The following SEMA6A variants were observed in gnomAD, a reference collection of about 807,000 sequenced individuals.
SEMA6A encodes semaphorin-6A.
SEMA6A carries 25 observed loss-of-function variants against 96.8 expected under a neutral mutation model. The ratio of observed to expected loss-of-function variants is 0.26; its 90% CI spans 0.19 to 0.36. SEMA6A has a LOEUF of 0.36. Among genes scored for constraint, SEMA6A ranks in the 10% least tolerant of loss-of-function variants. The probability of loss-of-function intolerance (pLI) is 1.00; values close to 1 mark genes in which losing one functional copy is unlikely to be tolerated. For synonymous variants in SEMA6A, 612 were observed against 518.0 expected, an observed-to-expected ratio of 1.18 and a Z score of -2.46; for missense variants, 1,363 against 1,323.1, an observed-to-expected ratio of 1.03 and a Z score of -0.47.
intron 1 of SEMA6A, among the ~76,000 whole-genome samples, chr5:116,541,136 G>A (rs1489079968): frequency 6.6e-6 from 1 of 152,172 alleles, no homozygotes; most frequent in African/African-American, 2.4e-5. Flanking sequence ...CAGCGGTGAT[G>A]GGTGTTGGGG....
intron 1 of SEMA6A, among the ~76,000 whole-genome samples, chr5:116,526,706 A>G (rs200896060): frequency 1.3e-5 from 2 of 152,344 alleles, no homozygotes; most frequent in East Asian, 3.9e-4. Flanking sequence ...GTTACTATAG[A>G]TTGCACTAGG....
At chr5:116,516,146 T>C (rs1248768903) in intron 1 of SEMA6A, among the ~76,000 whole-genome samples, 10 of 152,136 alleles carry the variant, frequency 6.6e-5, no homozygotes, top group Admixed American at 5.2e-4. Flanking sequence ...AAGCCAAAAA[T>C]AGAGTTTCTA....
chr5:116,472,924 G>C (rs771916991), intron 17 of SEMA6A, 149 bp downstream of exon 17: 1 of 1,523,170 alleles, frequency 6.6e-7, no homozygotes, highest in South Asian at 1.2e-5. Context: ...TCTGGTAGAG[G>C]AGTTGAAATG....
At chr5:116,475,698 T>G in intron 15 of SEMA6A, 95 bp from the exon 16 acceptor site, 2 of 819,562 alleles carry the variant, frequency 2.4e-6, no homozygotes, top group East Asian at 2.8e-5. Context: ...GTAACACAGT[T>G]TGATAAATTG....
rs111522197 is a variant in SEMA6A at position 116,525,954 on chromosome 5, A to T, written c.-38-20972T>A. On this transcript the variant is annotated intron_variant, in intron 1 of 18. Coordinates refer to ENST00000343348, the MANE Select transcript of SEMA6A (RefSeq NM_020796.5). Reference sequence around the variant, plus strand: ...CTGGCTGGAGGAAGCAGCATTTAAAAACCTCTCTGGAATCTTTTCACCTAG... The same window carrying T: ...CTGGCTGGAGGAAGCAGCATTTAAATACCTCTCTGGAATCTTTTCACCTAG... Among the ~76,000 whole-genome samples the T allele has an allele frequency of 7.5e-3, 1,149 of 152,226 alleles. 8 individuals are homozygous for T. The highest frequency in any genetic ancestry group is 0.012 in the Non-Finnish European group (794 of 68,004).
At chr5:116,457,832 A>G (rs1275454583) in intron 18 of SEMA6A, among the ~76,000 whole-genome samples, 1 of 152,140 alleles carries the variant, frequency 6.6e-6, no homozygotes, top group Non-Finnish European at 1.5e-5. Flanking sequence ...ACTTTGCAAG[A>G]GTTTATCTAT....
chr5:116,472,106 A>G (rs936481370), intron 17 of SEMA6A, among the ~76,000 whole-genome samples: 2 of 152,150 alleles, frequency 1.3e-5, no homozygotes, highest in African/African-American at 4.8e-5. Context: ...TTTTCATATC[A>G]TACTTTAAAA....
intron 9 of SEMA6A, 129 bp downstream of exon 9, chr5:116,487,979 G>A: frequency 1.8e-6 from 1 of 545,098 alleles, no homozygotes; most frequent in East Asian, 3.1e-5. Flanking sequence ...CAGCAGATAG[G>A]GCCTCCAGAC....
chr5:116,547,565 C>T (rs921439521), intron 1 of SEMA6A, among the ~76,000 whole-genome samples: 3 of 142,924 alleles, frequency 2.1e-5, no homozygotes, highest in South Asian at 2.2e-4. Context: ...CTCTAAGTAA[C>T]GTACTGGTTA....
intron 10 of SEMA6A, among the ~76,000 whole-genome samples, chr5:116,485,496 A>G (rs1359664512): frequency 6.6e-6 from 1 of 152,190 alleles, no homozygotes; most frequent in African/African-American, 2.4e-5. Context: ...CTTATATCTA[A>G]CTGAATACTT....
chr5:116,480,811 T>C (rs969864998), intron 11 of SEMA6A, among the ~76,000 whole-genome samples: 1 of 152,186 alleles, frequency 6.6e-6, no homozygotes, highest in East Asian at 1.9e-4. Context: ...CTTATTGTTG[T>C]TTTTATTTTT....
chr5:116,545,721 T>G (rs1760160090), intron 1 of SEMA6A, among the ~76,000 whole-genome samples: 1 of 152,212 alleles, frequency 6.6e-6, no homozygotes, highest in Non-Finnish European at 1.5e-5. Context: ...AACAAGCATT[T>G]GACATTTCTA....
In SEMA6A at chr5:116,447,556, G is replaced by A. The variant is rs1261957229; in HGVS notation, c.2150C>T (p.Pro717Leu). Reference protein sequence around the residue: ...GLFGDTQSKDPKPEAILTPLM... With the variant: ...GLFGDTQSKDLKPEAILTPLM... ...TGGCGTGAGGATGGCCTCCGGCTTT[G>A]GGTCTTTGGATTGAGTGTCCCCAAA... is the stretch of plus-strand genomic sequence containing the variant. The change falls in exon 19 of 19, where the codon CCA (proline) becomes CTA (leucine). Residue 717 changes from proline to leucine, a missense_variant. This residue lies in a region of SEMA6A where 883 missense variants were observed against 763.6 expected (regional missense o/e 1.16). Transcript: ENST00000343348. 3 of 1,613,956 alleles carry A rather than the reference G, an allele frequency of 1.9e-6. No individual in the cohort carries two copies. Among genetic ancestry groups the A allele is most frequent in the Non-Finnish European group, 2.5e-6 (3 of 1,179,906 alleles).
At chr5:116,479,915 G>A (rs771568997) in intron 12 of SEMA6A, among the ~76,000 whole-genome samples, 1 of 152,176 alleles carries the variant, frequency 6.6e-6, no homozygotes, top group Non-Finnish European at 1.5e-5. Context: ...TGTCCAACTA[G>A]CCTGAAAATA....
chr5:116,516,481 A>G lies in SEMA6A; in HGVS notation c.-38-11499T>C, dbSNP rs1415328641. Among the ~76,000 whole-genome samples the G allele has an allele frequency of 2.0e-5, 3 of 152,118 alleles. No homozygotes were observed. The East Asian group carries it at 5.8e-4, about 29-fold the overall frequency. ...TTTAACCTATTATTAAATTTGATAG[A>G]TATTTCAGGTTTTTTTTTCTGAAAA... is the stretch of plus-strand genomic sequence containing the variant. On this transcript the variant is annotated intron_variant, in intron 1 of 18. Coordinates refer to ENST00000343348, the MANE Select transcript of SEMA6A (RefSeq NM_020796.5).
chr5:116,482,599 A>C, intron 10 of SEMA6A, 24 bp from the exon 11 acceptor site: 1 of 1,612,318 alleles, frequency 6.2e-7, no homozygotes, highest in South Asian at 1.1e-5. Context: ...TTTCACATCA[A>C]GTGTTACTCA....
chr5:116,565,263 T>C (rs1156638282), intron 1 of SEMA6A, among the ~76,000 whole-genome samples: 1 of 152,162 alleles, frequency 6.6e-6, no homozygotes. Flanking sequence ...CAACACTGAA[T>C]TATACGAGAA....
rs760225409 is a variant in SEMA6A, at chr5:116,447,748, A to G, written c.1958T>C (p.Ile653Thr). 6.2e-6 allele frequency: 10 copies of G among 1,613,738 alleles called. No individual in the cohort carries two copies. Among genetic ancestry groups the G allele is most frequent in the Admixed American group, 5.0e-5 (3 of 60,004 alleles). ...DQLVPVTLLA[I>T]AVILAFVMGA... ...CATGACGAAAGCCAGGATGACTGCA[A>G]TGGCCAAGAGGGTGACGGGAACCAG... The change falls in exon 19 of 19, where the codon ATT becomes ACT. Residue 653 changes from isoleucine to threonine, a missense_variant. Physicochemically the swap from Ile to Thr is moderately conservative, Grantham distance 89 (BLOSUM62 -1). This residue lies in a region of SEMA6A where 883 missense variants were observed against 763.6 expected (regional missense o/e 1.16). Coordinates refer to ENST00000343348, the MANE Select transcript of SEMA6A (RefSeq NM_020796.5).
In SEMA6A at chr5:116,522,554, C is replaced by G. The variant is rs142352417; in HGVS notation, c.-38-17572G>C. ...TTACACAGCACTATAAACCCGCCTG[C>G]GTGCCATATGAATGGCTAATTTATT... On this transcript the variant is annotated intron_variant, in intron 1 of 18. Transcript: ENST00000343348. Among the ~76,000 whole-genome samples the G allele has an allele frequency of 3.7e-3, 556 of 152,188 alleles. 9 individuals are homozygous for G. The highest frequency in any genetic ancestry group is 0.012 in the African/African-American group (493 of 41,516).
Sources: allele counts gnomAD v4.1 joint callset (sites outside exome capture counted in the v4.1 genomes callset), GRCh38; gene constraint gnomAD v4.1.1; regional missense constraint gnomAD v4.1.1; transcripts MANE v1.5; gene names NCBI Gene and HGNC (gene_info 2026-07-23, HGNC 2026-07-21).